Variants in SDK1 observed in about 807,000 individuals in gnomAD.
SDK1 encodes the protein protein sidekick-1.
In SDK1, 157 loss-of-function variants were observed where a neutral mutation model predicts 245.5. The ratio of observed to expected loss-of-function variants is 0.64; its 90% CI spans 0.56 to 0.73. The LOEUF (loss-of-function observed/expected upper bound fraction) is 0.73. Among genes scored for constraint, SDK1 ranks in the 30% least tolerant of loss-of-function variants. SDK1 has a pLI of 0.00. For missense variants in SDK1, 3,583 were observed against 3,002.3 expected (o/e 1.19, Z -4.52); for synonymous variants, 1,647 against 1,278.5 (o/e 1.29, Z -6.15).
intron 4 of SDK1, among the ~76,000 whole-genome samples, chr7:3,661,759 T>G (rs1161064546): frequency 6.6e-6 from 1 of 152,196 alleles, no homozygotes; most frequent in Non-Finnish European, 1.5e-5. Context: ...CCAGGCTGTC[T>G]GGGTTCAGAC....
At chr7:3,852,590 T>C (rs1370008533) in intron 5 of SDK1, among the ~76,000 whole-genome samples, 1 of 149,494 alleles carries the variant, frequency 6.7e-6, no homozygotes, top group East Asian at 2.0e-4. Flanking sequence ...TACTAAAAAA[T>C]ACAAAAAAAA....
Position 3,958,394 on chromosome 7 carries a change from C to T in SDK1, c.1151-537C>T, listed in dbSNP as rs116017191. On this transcript the variant is annotated intron_variant, in intron 7 of 44. Coordinates refer to ENST00000404826, the MANE Select transcript of SDK1 (RefSeq NM_152744.4). ...TGCAAGTGCCTAGGAGTTTCCTTTG[C>T]TACTAAAGATAGATGAGTGCTCCCT... is the stretch of plus-strand genomic sequence containing the variant. 1.9e-3 allele frequency: 406 copies of T among 210,646 alleles called. 2 individuals carry two copies. The highest frequency in any genetic ancestry group is 9.3e-3 in the African/African-American group (391 of 41,850). 13.0% of individuals were successfully genotyped at this position (210,646 alleles called of 1,614,324 possible). A position where few individuals can be genotyped will look rare whatever the true frequency, so the allele number is the denominator to read the frequency against.
intron 2 of SDK1, among the ~76,000 whole-genome samples, chr7:3,625,811 G>A (rs1387869385): frequency 6.6e-6 from 1 of 152,174 alleles, no homozygotes; most frequent in Non-Finnish European, 1.5e-5. Context: ...GAAATAGGAG[G>A]CATGGGTTGA....
intron 44 of SDK1, among the ~76,000 whole-genome samples, 176 bp from the exon 45 acceptor site, chr7:4,264,948 G>A (rs1001567887): frequency 6.7e-6 from 1 of 149,806 alleles, no homozygotes; most frequent in South Asian, 2.1e-4. Context: ...CCTGGGGGCT[G>A]CCTGCTCTCC....
Position 3,461,657 on chromosome 7 carries a change from C to A in SDK1, c.299-157423C>A, listed in dbSNP as rs187194842. Among the ~76,000 whole-genome samples, 3 of 152,158 alleles carry A rather than the reference C, an allele frequency of 2.0e-5. No individual in the cohort carries two copies. In the East Asian group the frequency reaches 5.8e-4, roughly 29 times the overall value. The stretch of plus-strand genomic sequence containing the variant: ...TTTCCTTTTCAGATCAAAACTTTCC[C>A]TTTTCCTTCTCTCATTCCCATCTTT... On this transcript the variant is annotated intron_variant, in intron 1 of 44. Coordinates refer to ENST00000404826, the MANE Select transcript of SDK1 (RefSeq NM_152744.4).
intron 1 of SDK1, among the ~76,000 whole-genome samples, chr7:3,535,805 A>C (rs2879919): frequency 6.6e-6 from 1 of 152,154 alleles, no homozygotes; most frequent in Non-Finnish European, 1.5e-5. Context: ...ATATTTGCTA[A>C]TGGATCCTCA....
In SDK1 at chr7:4,149,368, G is replaced by C; in HGVS notation, c.4530G>C (p.Arg1510=). ...GCAGCGACGGGGCCTCCCCCATCCG[G>C]TACTTCACCATGCAGGTGCGAGAGC... is the stretch of plus-strand genomic sequence containing the variant. ...VPGSDGASPI[R]YFTMQVRELP... is the part of the protein sequence containing the mutation. The change falls in exon 30 of 45, where the codon CGG becomes CGC. Residue 1510 remains arginine, a synonymous_variant. Transcript: ENST00000404826. 1.3e-6 allele frequency: 2 copies of C among 1,592,524 alleles called. No homozygotes were observed. The highest frequency in any genetic ancestry group is 1.7e-6 in the Non-Finnish European group (2 of 1,170,072).
At chr7:3,629,944 C>T (rs565869652) in intron 2 of SDK1, among the ~76,000 whole-genome samples, 10 of 152,004 alleles carry the variant, frequency 6.6e-5, no homozygotes, top group Admixed American at 3.9e-4. Flanking sequence ...ACACGAAAAA[C>T]ACAAAAAAGG....
chr7:4,264,180 G>A (rs1474886014), intron 44 of SDK1, among the ~76,000 whole-genome samples: 1 of 124,138 alleles, frequency 8.1e-6, no homozygotes, highest in Non-Finnish European at 1.7e-5. Context: ...TCCTGAGTGG[G>A]GGAGGCCGCG....
At chr7:3,990,230 C>T (rs963842635) in intron 14 of SDK1, among the ~76,000 whole-genome samples, 11 of 152,246 alleles carry the variant, frequency 7.2e-5, no homozygotes, top group Admixed American at 2.6e-4. Flanking sequence ...TTACACCTTC[C>T]AGTCCTGGGC....
chr7:4,129,691 T>G, intron 26 of SDK1: 1 of 1,398,916 alleles, frequency 7.1e-7, no homozygotes, highest in Non-Finnish European at 9.3e-7. Context: ...CCGTGGGCAC[T>G]AACTCAAGCT....
chr7:3,330,827 A>AC (rs1780050549), intron 1 of SDK1, among the ~76,000 whole-genome samples: 1 of 150,846 alleles, frequency 6.6e-6, no homozygotes, highest in Admixed American at 6.6e-5. Context: ...AAAAAAAAAA[A>AC]ACCAGGTGTG....
At chr7:3,841,899 C>A (rs1339358218) in intron 5 of SDK1, among the ~76,000 whole-genome samples, 1 of 152,132 alleles carries the variant, frequency 6.6e-6, no homozygotes, top group African/African-American at 2.4e-5. Context: ...TGGCCAGATG[C>A]AAGACCGACC....
At chr7:4,144,399 G>T (rs950879164) in intron 28 of SDK1, among the ~76,000 whole-genome samples, 6 of 148,946 alleles carry the variant, frequency 4.0e-5, no homozygotes, top group Non-Finnish European at 8.8e-5. Context: ...GCGCCTAGAG[G>T]TGGCTGCGTC....
chr7:3,944,053 C>T (rs1780478398), intron 5 of SDK1, among the ~76,000 whole-genome samples: 1 of 152,180 alleles, frequency 6.6e-6, no homozygotes, highest in South Asian at 2.1e-4. Flanking sequence ...TGTAAAGTCT[C>T]AATTAAGGAA....
At chr7:3,463,034 T>C (rs1780881675) in intron 1 of SDK1, among the ~76,000 whole-genome samples, 1 of 152,180 alleles carries the variant, frequency 6.6e-6, no homozygotes. Context: ...AGGTGAATTG[T>C]GCCTTGTTCC....
intron 4 of SDK1, among the ~76,000 whole-genome samples, chr7:3,723,950 A>AGAGAGAG (rs1778926500): frequency 8.6e-6 from 1 of 115,738 alleles, no homozygotes; most frequent in Non-Finnish European, 1.8e-5. Flanking sequence ...ATATAGAGAG[A>AGAGAGAG]GAGAGAGAGA....
At chr7:3,724,166 T>G (rs1309121188) in intron 4 of SDK1, among the ~76,000 whole-genome samples, 3 of 152,032 alleles carry the variant, frequency 2.0e-5, no homozygotes, top group Non-Finnish European at 4.4e-5. Flanking sequence ...GGTTTCATCA[T>G]GTTGGCCAGG....
At chr7:3,977,406 C>T (rs1393065649) in intron 13 of SDK1, among the ~76,000 whole-genome samples, 2 of 108,468 alleles carry the variant, frequency 1.8e-5, no homozygotes, top group East Asian at 3.9e-4. Context: ...ACTGGGGGTC[C>T]CGGGGCTGAG....
Sources: allele counts gnomAD v4.1 joint callset (sites outside exome capture counted in the v4.1 genomes callset), GRCh38; gene constraint gnomAD v4.1.1; transcripts MANE v1.5; gene names NCBI Gene and HGNC (gene_info 2026-07-23, HGNC 2026-07-21).